The following SRPK1 variants were observed in gnomAD, a reference collection of about 807,000 sequenced individuals.
The protein encoded by SRPK1 is SRSF protein kinase 1, also known as SFRS protein kinase 1.
In SRPK1, 52 loss-of-function variants were observed where a neutral mutation model predicts 89.5. The observed-to-expected ratio is 0.58, with a 90% CI of 0.46 to 0.73. The LOEUF (loss-of-function observed/expected upper bound fraction) is 0.73, where lower values mean the gene tolerates loss of function less well. Among genes scored for constraint, SRPK1 ranks in the 30% least tolerant of loss-of-function variants. The pLI is 0.00. For missense variants in SRPK1, 603 were observed against 780.6 expected, an observed-to-expected ratio of 0.77 and a Z score of 2.71; for synonymous variants, 255 against 270.2, an observed-to-expected ratio of 0.94 and a Z score of 0.55.
intron 7 of SRPK1, 133 bp from the exon 8 acceptor site, chr6:35,872,861 TA>T (rs1212349993): frequency 5.0e-6 from 4 of 792,814 alleles, no homozygotes; most frequent in Non-Finnish European, 7.4e-6. Context: ...AAGCACCTTT[TA>T]AAAAAGCACA....
chr6:35,915,420 A>G (rs988110033), intron 2 of SRPK1, among the ~76,000 whole-genome samples: 3 of 151,680 alleles, frequency 2.0e-5, no homozygotes, highest in Non-Finnish European at 2.9e-5. Context: ...AAAAAAAAAA[A>G]AAAAGAAAAA....
intron 2 of SRPK1, among the ~76,000 whole-genome samples, chr6:35,915,134 C>T (rs1324167671): frequency 4.6e-5 from 7 of 151,998 alleles, no homozygotes; most frequent in Non-Finnish European, 7.4e-5. Flanking sequence ...CCGGGTATGG[C>T]GGCTTACATC....
chr6:35,900,606 T>C (rs1770721557), intron 2 of SRPK1, among the ~76,000 whole-genome samples: 1 of 152,088 alleles, frequency 6.6e-6, no homozygotes, highest in Non-Finnish European at 1.5e-5. Flanking sequence ...TATCTCAGTC[T>C]CTCCAGGAGA....
intron 6 of SRPK1, among the ~76,000 whole-genome samples, chr6:35,880,530 C>A (rs1290154353): frequency 6.6e-6 from 1 of 151,268 alleles, no homozygotes; most frequent in Non-Finnish European, 1.5e-5. Context: ...CAAGACCAGC[C>A]TGGCCAACAT....
chr6:35,844,836 T>A (rs1475972287), intron 13 of SRPK1, among the ~76,000 whole-genome samples: 1 of 151,922 alleles, frequency 6.6e-6, no homozygotes, highest in South Asian at 2.1e-4. Flanking sequence ...TGGTCTCATA[T>A]ATAGAGTTCA....
chr6:35,904,905 A>G (rs746377793), intron 2 of SRPK1: 3 of 408,376 alleles, frequency 7.3e-6, no homozygotes, highest in South Asian at 5.2e-5. Context: ...TTGGGAGGCC[A>G]AGGTGGTGAG....
In SRPK1 at chr6:35,920,512, G is replaced by A. The variant is rs532732192; in HGVS notation, c.30C>T (p.Ala10=). 1 of 1,613,378 alleles carries A rather than the reference G, an allele frequency of 6.2e-7. No homozygotes were observed. The highest frequency in any genetic ancestry group is 1.7e-5 in the Admixed American group (1 of 60,006). MERKVLALQ[A]RKKRTKAKKD... ...TCTTGGCCTTGGTCCTTTTCTTTCGGGCCTGGAGCGCAAGCACTGCAGGAG... is the reference window on the plus strand; with the variant it reads ...TCTTGGCCTTGGTCCTTTTCTTTCGAGCCTGGAGCGCAAGCACTGCAGGAG... Residue 10 remains alanine, a synonymous_variant, in exon 2 of 16, where the codon GCC becomes GCT. Transcript: ENST00000373825.
intron 2 of SRPK1, among the ~76,000 whole-genome samples, chr6:35,895,318 T>C (rs1581592065): frequency 6.6e-6 from 1 of 150,386 alleles, no homozygotes; most frequent in South Asian, 2.1e-4. Flanking sequence ...GTAAACACTG[T>C]AAAGACAGAA....
At chr6:35,867,870 T>C (rs1769940093) in intron 12 of SRPK1, among the ~76,000 whole-genome samples, 2 of 152,212 alleles carry the variant, frequency 1.3e-5, no homozygotes, top group East Asian at 1.9e-4. Flanking sequence ...AACAACAGTA[T>C]AAATAATTCG....
chr6:35,859,074 T>C (rs1158576698), intron 12 of SRPK1, among the ~76,000 whole-genome samples: 1 of 152,204 alleles, frequency 6.6e-6, no homozygotes, highest in African/African-American at 2.4e-5. Flanking sequence ...CCATAATATA[T>C]GCTCAGTTCA....
chr6:35,856,267 A>G (rs1769664306), intron 13 of SRPK1, among the ~76,000 whole-genome samples: 2 of 151,824 alleles, frequency 1.3e-5, no homozygotes, highest in Non-Finnish European at 2.9e-5. Context: ...CAGGAGGGTG[A>G]AAGTCCTGAG....
intron 2 of SRPK1, among the ~76,000 whole-genome samples, chr6:35,893,222 C>A (rs1216036848): frequency 6.6e-6 from 1 of 152,178 alleles, no homozygotes; most frequent in Non-Finnish European, 1.5e-5. Context: ...CGGTGGCTCA[C>A]ACCTGTAATC....
At chr6:35,887,987 T>C (rs778427657) in intron 5 of SRPK1, 37 bp downstream of exon 5, 6 of 1,410,954 alleles carry the variant, frequency 4.3e-6, no homozygotes, top group Non-Finnish European at 5.7e-6. Flanking sequence ...GATTTATTTA[T>C]AATTCTTCAC....
chr6:35,886,724 G>A lies in SRPK1; in HGVS notation c.478C>T (p.His160Tyr), dbSNP rs748936391. The change falls in exon 6 of 16, where the codon CAT (histidine) becomes TAT (tyrosine). Residue 160 changes from histidine (H) to tyrosine (Y), a missense_variant and splice_region_variant. Transcript: ENST00000373825. ...DFKISGVNGT[H>Y]ICMVFEVLGH... ...CTCAAATAGGTTTTTAAAAGGATAC[G>A]TGTTCCATTAACTCCTGATATTTTA... The A allele has an allele frequency of 5.9e-6, 9 of 1,536,624 alleles. No individual in the cohort carries two copies. Among genetic ancestry groups the A allele is most frequent in the East Asian group, 2.2e-5 (1 of 44,452 alleles).
intron 13 of SRPK1, among the ~76,000 whole-genome samples, chr6:35,848,150 A>G (rs1031119914): frequency 1.3e-5 from 2 of 152,206 alleles, no homozygotes; most frequent in African/African-American, 4.8e-5. Flanking sequence ...ATCAGATTCA[A>G]TGCAATTCCT....
At chr6:35,877,538 T>TA (rs1374984376) in intron 6 of SRPK1, among the ~76,000 whole-genome samples, 2 of 152,168 alleles carry the variant, frequency 1.3e-5, no homozygotes, top group Non-Finnish European at 2.9e-5. Flanking sequence ...ACATGAAAAG[T>TA]ATTTTTTAGA....
chr6:35,874,919 G>A (rs1398351860), intron 6 of SRPK1, among the ~76,000 whole-genome samples: 1 of 152,122 alleles, frequency 6.6e-6, no homozygotes, highest in African/African-American at 2.4e-5. Context: ...TTGTCCTTAT[G>A]TATGAACAAC....
At chr6:35,864,902 G>A (rs1187596537) in intron 12 of SRPK1, among the ~76,000 whole-genome samples, 1 of 152,128 alleles carries the variant, frequency 6.6e-6, no homozygotes, top group Non-Finnish European at 1.5e-5. Flanking sequence ...TGGAACTGGA[G>A]ATCATTATGT....
At chr6:35,893,706 C>T (rs994554728) in intron 2 of SRPK1, among the ~76,000 whole-genome samples, 6 of 152,136 alleles carry the variant, frequency 3.9e-5, no homozygotes, top group Non-Finnish European at 8.8e-5. Flanking sequence ...TGGGACCAAA[C>T]ATCACACAGG....
Sources: gnomAD v4.1 joint callset for allele counts (sites outside exome capture counted in the v4.1 genomes callset) on GRCh38, gnomAD v4.1.1 for gene constraint, MANE v1.5 for transcripts, NCBI Gene and HGNC (gene_info 2026-07-23, HGNC 2026-07-21) for gene names.